The following DVL1 variants were observed in gnomAD, a reference collection of about 807,000 sequenced individuals.
The protein encoded by DVL1 is segment polarity protein dishevelled homolog DVL-1.
Under a neutral mutation model 65.0 loss-of-function variants are expected in DVL1, and 49 were observed. The ratio of observed to expected loss-of-function variants is 0.75; its 90% CI spans 0.60 to 0.96. The LOEUF (loss-of-function observed/expected upper bound fraction) is 0.96, where lower values mean the gene tolerates loss of function less well. DVL1 is among the 40% of genes least tolerant of loss of function. The pLI, the probability that DVL1 is intolerant of heterozygous loss-of-function variation, is 0.00. For missense variants in DVL1, 1,197 were observed against 1,045.4 expected (o/e 1.15, Z -2.00); for synonymous variants, 608 against 433.9 (o/e 1.40, Z -4.99).
At chr1:1,341,442 G>A (rs750598859) in intron 5 of DVL1, among the ~76,000 whole-genome samples, 19 of 151,106 alleles carry the variant, frequency 1.3e-4, no homozygotes, top group Non-Finnish European at 2.4e-4. Context: ...GTTTGCACGC[G>A]GGCACACACA....
intron 5 of DVL1, among the ~76,000 whole-genome samples, chr1:1,341,384 G>A (rs911383709): frequency 4.6e-5 from 7 of 151,920 alleles, no homozygotes; most frequent in Admixed American, 2.6e-4. Context: ...ATGTGAAAAC[G>A]CCTCACACAG....
At position 1,349,293 on chromosome 1, in the gene DVL1, C is replaced by T. The variant is rs1401371315; in HGVS notation, c.-228G>A. 1 of 147,974 alleles carries T rather than the reference C, an allele frequency of 6.8e-6. No individual in the cohort carries two copies. Among genetic ancestry groups the T allele is most frequent in the Non-Finnish European group, 1.5e-5 (1 of 67,772 alleles). 9.2% of individuals were successfully genotyped at this position (147,974 alleles called of 1,614,324 possible). A position where few individuals can be genotyped will look rare whatever the true frequency, so the allele number is the denominator to read the frequency against. ...GCGGCCCGCGGCCGCCCATCCGCCC[C>T]CGGCCCGGGAGCGGCGCGAGGGACG... On this transcript the variant is annotated 5_prime_UTR_variant, in exon 1 of 15. Transcript: ENST00000378888. This position sits in a 1 kb window ranked among gnomAD's most constrained non-coding sequence, Gnocchi z 4.1.
At chr1:1,348,679 G>A (rs1643961356) in intron 1 of DVL1, among the ~76,000 whole-genome samples, 1 of 152,122 alleles carries the variant, frequency 6.6e-6, no homozygotes, top group Admixed American at 6.5e-5. Context: ...GGCCAGGGAC[G>A]CCGGGAACCC....
At chr1:1,348,230 C>T (rs993453613) in intron 1 of DVL1, among the ~76,000 whole-genome samples, 22 of 152,200 alleles carry the variant, frequency 1.4e-4, no homozygotes, top group Non-Finnish European at 2.4e-4. Flanking sequence ...GACACCACCA[C>T]CGAGGCCCAG....
chr1:1,340,378 C>G (rs759707682), intron 6 of DVL1, 32 bp downstream of exon 6: 5 of 1,612,574 alleles, frequency 3.1e-6, no homozygotes, highest in African/African-American at 1.3e-5. Context: ...CTTCGCCTCC[C>G]CAGCCCCGCC....
chr1:1,348,796 C>G, intron 1 of DVL1, 100 bp downstream of exon 1: 1 of 1,073,894 alleles, frequency 9.3e-7, no homozygotes, highest in Non-Finnish European at 1.2e-6. Context: ...CGCAGGTCCC[C>G]GGGGGCGCGA....
rs370741915 is a variant in DVL1, at chr1:1,340,223, C to T, written c.769+24G>A. 9 of 1,613,838 alleles carry T rather than the reference C, an allele frequency of 5.6e-6. No homozygotes were observed. The East Asian group carries it at 2.0e-4, about 36-fold the overall frequency. On this transcript the variant is annotated intron_variant, in intron 7 of 14. Transcript: ENST00000378888. ...CGCGGCCAAGCCCCTGCCCCTGCCCCCAACCCTCGCCCCGAGGCCTCACCC... is the reference window on the plus strand; with the variant it reads ...CGCGGCCAAGCCCCTGCCCCTGCCCTCAACCCTCGCCCCGAGGCCTCACCC...
At chr1:1,348,157 G>A (rs138840330) in intron 1 of DVL1, among the ~76,000 whole-genome samples, 5 of 152,308 alleles carry the variant, frequency 3.3e-5, no homozygotes, top group Admixed American at 1.3e-4. Context: ...CAAGCAGACC[G>A]CCAGGCTCCT....
intron 1 of DVL1, among the ~76,000 whole-genome samples, chr1:1,343,000 C>T (rs1036746380): frequency 5.3e-5 from 8 of 151,888 alleles, no homozygotes; most frequent in Non-Finnish European, 1.0e-4. Flanking sequence ...TCTCGGGAAC[C>T]GTCCTTCCTC....
Position 1,339,616 on chromosome 1 carries a change from G to A in DVL1, c.1020C>T (p.Asp340=). The part of the protein sequence containing the change: ...PISLTVAKCW[D]PTPRSYFTVP... ...CGGTGAAGTAGCTTCGGGGCGTTGG[G>A]TCCCAGCACTTGGCCACAGTGAGGC... is the stretch of plus-strand genomic sequence containing the variant. Residue 340 remains aspartate, a synonymous_variant, in exon 10 of 15, where the codon GAC becomes GAT. Coordinates refer to ENST00000378888, the MANE Select transcript of DVL1 (RefSeq NM_001330311.2). 1 of 1,608,700 alleles carries A rather than the reference G, an allele frequency of 6.2e-7. No individual in the cohort carries two copies. Among genetic ancestry groups the A allele is most frequent in the Non-Finnish European group, 8.5e-7 (1 of 1,176,856 alleles).
At chr1:1,340,572 A>G in intron 5 of DVL1, 69 bp from the exon 6 acceptor site, 1 of 1,492,292 alleles carries the variant, frequency 6.7e-7, no homozygotes, top group East Asian at 2.4e-5. Context: ...CCGCTCCCCC[A>G]ATACTGAGTG....
chr1:1,336,310 C>G lies in DVL1; in HGVS notation c.1920G>C (p.Gly640=). The stretch of plus-strand genomic sequence containing the variant: ...TGGTCGTGGGGTGGGGCGGGGGGAG[C>G]CCCGGGGCGGTAGCCGAGGCCTGAC... ...PRSQASATAP[G]LPPPHPTTKA... Residue 640 remains glycine, a synonymous_variant, in exon 15 of 15, where the codon GGG becomes GGC. Transcript: ENST00000378888. 6.4e-7 allele frequency: 1 copy of G among 1,565,892 alleles called. No individual in the cohort carries two copies. Among genetic ancestry groups the G allele is most frequent in the Non-Finnish European group, 8.6e-7 (1 of 1,162,716 alleles).
In DVL1 at chr1:1,341,767, G is replaced by GCCGT; in HGVS notation, c.501_504dup (p.Arg169ThrfsTer20). On this transcript the variant is annotated frameshift_variant, in exon 5 of 15. Coordinates refer to ENST00000378888, the MANE Select transcript of DVL1 (RefSeq NM_001330311.2). LOFTEE classifies it high-confidence loss of function. ...CTGTCTGGGGGCAGCCCCACATCCC[G>GCCGT]CCGTCGGTCTCCCCTTGGGTGCCCA... The GCCGT allele has an allele frequency of 6.2e-7, 1 of 1,603,450 alleles. No homozygotes were observed. Among genetic ancestry groups the GCCGT allele is most frequent in the Non-Finnish European group, 8.5e-7 (1 of 1,174,590 alleles).
At chr1:1,343,979 G>T (rs1165187667) in intron 1 of DVL1, among the ~76,000 whole-genome samples, 1 of 152,178 alleles carries the variant, frequency 6.6e-6, no homozygotes, top group East Asian at 1.9e-4. Context: ...AGAGGGTCAG[G>T]GGACACGAAC....
Position 1,349,138 on chromosome 1 carries a change from G to A in DVL1, c.-73C>T. 1 of 859,604 alleles carries A rather than the reference G, an allele frequency of 1.2e-6. No homozygotes were observed. 53.2% of individuals were successfully genotyped at this position (859,604 alleles called of 1,614,324 possible). ...CTCGGACGCGGGGCGCTACCCGCCC[G>A]CCCGCCTGCGCCCCGCCCGGCCCGC... On this transcript the variant is annotated 5_prime_UTR_variant, in exon 1 of 15. Transcript: ENST00000378888. This position sits in a 1 kb window ranked among gnomAD's most constrained non-coding sequence, Gnocchi z 4.1.
At chr1:1,336,923 T>A in intron 14 of DVL1, 8 of 880,912 alleles carry the variant, frequency 9.1e-6, no homozygotes, top group Non-Finnish European at 9.6e-6. Context: ...ATGACTCAGC[T>A]CAGCCCTGTC....
rs307369 is a variant in DVL1 at position 1,338,862 on chromosome 1, A to G, written c.1208-209T>C. Among the ~76,000 whole-genome samples, 147,763 of 152,268 alleles carry G rather than the reference A, an allele frequency of 0.97. 71,740 individuals are homozygous for G. The highest frequency in any genetic ancestry group is 0.99 in the African/African-American group (41,069 of 41,558). Reference sequence around the variant, plus strand: ...GTTGGACATTTAGTCTCCCACTTCTACAGACACTTTTCATCAGGATCCTAG... The same window carrying G: ...GTTGGACATTTAGTCTCCCACTTCTGCAGACACTTTTCATCAGGATCCTAG... On this transcript the variant is annotated intron_variant, in intron 11 of 14. Transcript: ENST00000378888.
chr1:1,340,653 C>T (rs1258606037), intron 5 of DVL1, 150 bp from the exon 6 acceptor site: 2 of 783,730 alleles, frequency 2.6e-6, no homozygotes, highest in African/African-American at 1.7e-5. Flanking sequence ...CCAGGCCCTG[C>T]ACACGTGATA....
chr1:1,336,297 G>A lies in DVL1; in HGVS notation c.1933C>T (p.His645Tyr). 3 of 1,562,418 alleles carry A rather than the reference G, an allele frequency of 1.9e-6. No homozygotes were observed. The highest frequency in any genetic ancestry group is 1.7e-6 in the Non-Finnish European group (2 of 1,160,620). ...SATAPGLPPP[H>Y]PTTKAYTVVG... Reference sequence around the variant, plus strand: ...ACTGTATAGGCCTTGGTCGTGGGGTGGGGCGGGGGGAGCCCCGGGGCGGTA... The same window carrying A: ...ACTGTATAGGCCTTGGTCGTGGGGTAGGGCGGGGGGAGCCCCGGGGCGGTA... The change falls in exon 15 of 15, where the codon CAC (histidine) becomes TAC (tyrosine). Residue 645 changes from histidine to tyrosine, a missense_variant. Physicochemically the swap from His to Tyr is moderately conservative, Grantham distance 83 (BLOSUM62 2). Coordinates refer to ENST00000378888, the MANE Select transcript of DVL1 (RefSeq NM_001330311.2).
Sources: gnomAD v4.1 joint callset for allele counts (sites outside exome capture counted in the v4.1 genomes callset) on GRCh38, gnomAD v4.1.1 for gene constraint, Gnocchi (gnomAD v3.1) non-coding constraint, MANE v1.5 for transcripts, NCBI Gene and HGNC (gene_info 2026-07-23, HGNC 2026-07-21) for gene names.